The following CPOX variants were observed in gnomAD, a reference collection of about 807,000 sequenced individuals.
CPOX encodes coproporphyrinogen oxidase.
CPOX carries 24 observed loss-of-function variants against 48.9 expected under a neutral mutation model. The observed-to-expected ratio is 0.49, with a 90% CI of 0.36 to 0.69. The LOEUF (loss-of-function observed/expected upper bound fraction) is 0.69. Among genes scored for constraint, CPOX ranks in the 30% least tolerant of loss-of-function variants. The pLI, the probability that CPOX is intolerant of heterozygous loss-of-function variation, is 0.00. For synonymous variants in CPOX, 249 were observed against 234.6 expected, an observed-to-expected ratio of 1.06 and a Z score of -0.56; for missense variants, 549 against 597.3, an observed-to-expected ratio of 0.92 and a Z score of 0.84.
chr3:98,584,433 T>G (rs1360315398), intron 5 of CPOX, among the ~76,000 whole-genome samples: 3 of 152,256 alleles, frequency 2.0e-5, no homozygotes, highest in Non-Finnish European at 4.4e-5. Context: ...TTCTAAAAAT[T>G]TACTCTCATG....
At chr3:98,586,740 C>G (rs947394992) in intron 4 of CPOX, among the ~76,000 whole-genome samples, 3 of 152,018 alleles carry the variant, frequency 2.0e-5, no homozygotes, top group Admixed American at 1.3e-4. Context: ...GTCAGGAGAT[C>G]GAGACCATCC....
At chr3:98,585,898 A>C in intron 4 of CPOX, 1 of 431,136 alleles carries the variant, frequency 2.3e-6, no homozygotes, top group East Asian at 5.2e-5. Flanking sequence ...TTTGAGACGG[A>C]CTCTTGCTCT....
Position 98,593,155 on chromosome 3 carries a change from T to A in CPOX, c.350A>T (p.Glu117Val). 1.2e-6 allele frequency: 2 copies of A among 1,611,782 alleles called. No homozygotes were observed. The highest frequency in any genetic ancestry group is 1.1e-5 in the South Asian group (1 of 90,898). ...GTRATSLGRP[E>V]EEEDELAHRC... ...GTGGGCCAGCTCATCCTCCTCCTCCTCCGGCCTCCCCAGCGAAGTGGCCCG... is the reference window on the plus strand; with the variant it reads ...GTGGGCCAGCTCATCCTCCTCCTCCACCGGCCTCCCCAGCGAAGTGGCCCG... The change falls in exon 1 of 7, where the codon GAG (glutamate) becomes GTG (valine). Residue 117 changes from glutamate to valine, a missense_variant. By Grantham distance (121) the Glu-to-Val change is moderately radical. This residue lies in a region of CPOX where 336 missense variants were observed against 318.1 expected (regional missense o/e 1.06). Transcript: ENST00000647941.
chr3:98,578,451 A>C (rs2141494), downstream of CPOX, among the ~76,000 whole-genome samples: 51,691 of 152,034 alleles, frequency 0.34, 8,948 homozygotes, highest in African/African-American at 0.41. Flanking sequence ...TCCTAGTATT[A>C]GATTTATTGA....
At chr3:98,589,242 C>T (rs1013247951) in intron 3 of CPOX, among the ~76,000 whole-genome samples, 2 of 152,060 alleles carry the variant, frequency 1.3e-5, no homozygotes, top group African/African-American at 4.8e-5. Flanking sequence ...TCACTTGAAC[C>T]CAGGAGGTGG....
At chr3:98,582,881 T>A (rs1323664514) in intron 5 of CPOX, among the ~76,000 whole-genome samples, 1 of 152,210 alleles carries the variant, frequency 6.6e-6, no homozygotes, top group Non-Finnish European at 1.5e-5. Flanking sequence ...TATGCTCCCT[T>A]TCTAACTCTC....
downstream of CPOX, among the ~76,000 whole-genome samples, chr3:98,577,279 T>A (rs1707176984): frequency 6.6e-6 from 1 of 152,172 alleles, no homozygotes; most frequent in African/African-American, 2.4e-5. Context: ...TCAGACTGAC[T>A]TTAGAATTCT....
At chr3:98,588,997 G>T (rs1707422625) in intron 3 of CPOX, 143 bp from the exon 4 acceptor site, 2 of 974,920 alleles carry the variant, frequency 2.1e-6, no homozygotes, top group Non-Finnish European at 3.2e-6. Context: ...TTTTAGCTCT[G>T]AAGACCAGTA....
downstream of CPOX, among the ~76,000 whole-genome samples, chr3:98,575,363 TAACAG>T (rs1302604126): frequency 1.3e-5 from 2 of 152,246 alleles, no homozygotes; most frequent in East Asian, 3.8e-4. Flanking sequence ...ATGAAGGGAT[TAACAG>T]TAAAAGAATT....
intron 1 of CPOX, among the ~76,000 whole-genome samples, chr3:98,592,378 GAGA>G (rs1375867961): frequency 8.5e-5 from 13 of 152,168 alleles, no homozygotes; most frequent in Non-Finnish European, 1.6e-4. Flanking sequence ...GATATTGGAA[GAGA>G]AGATTTTCCT....
At chr3:98,578,221 CT>C, downstream of CPOX, 1 of 952,818 alleles carries the variant, frequency 1.0e-6, no homozygotes, top group Non-Finnish European at 1.2e-6. Context: ...TTATGCAATT[CT>C]TTTCAGACAT....
chr3:98,584,740 C>T (rs1272868115), intron 5 of CPOX, among the ~76,000 whole-genome samples: 3 of 152,170 alleles, frequency 2.0e-5, no homozygotes, highest in Non-Finnish European at 2.9e-5. Context: ...TGGCTGGAGA[C>T]AGCCTCAGAC....
intron 4 of CPOX, among the ~76,000 whole-genome samples, chr3:98,586,869 G>A (rs747591160): frequency 8.5e-5 from 13 of 152,150 alleles, no homozygotes; most frequent in African/African-American, 1.9e-4. Context: ...GCGTGAACCC[G>A]GAAGGCAGAG....
downstream of CPOX, among the ~76,000 whole-genome samples, chr3:98,578,564 A>G (rs1235658491): frequency 6.6e-6 from 1 of 152,222 alleles, no homozygotes; most frequent in South Asian, 2.1e-4. Context: ...TAAAACATTT[A>G]AATCACCTCA....
In CPOX at chr3:98,579,504, T is replaced by G; in HGVS notation, c.*1179A>C. 2 of 965,072 alleles carry G rather than the reference T, an allele frequency of 2.1e-6. No individual in the cohort carries two copies. Among genetic ancestry groups the G allele is most frequent in the Non-Finnish European group, 2.5e-6 (2 of 811,508 alleles). 59.8% of individuals were successfully genotyped at this position (965,072 alleles called of 1,614,324 possible). A position where few individuals can be genotyped will look rare whatever the true frequency, so the allele number is the denominator to read the frequency against. On this transcript the variant is annotated 3_prime_UTR_variant, in exon 7 of 7. Coordinates refer to ENST00000647941, the MANE Select transcript of CPOX (RefSeq NM_000097.7). ...ATCTCTTGTAAGACAGTTGAAGAAT[T>G]CATACATTTTCCAGCCCCAAAAAGG...
intron 3 of CPOX, chr3:98,589,514 AAC>A (rs113400986): frequency 2.6e-4 from 39 of 151,718 alleles, no homozygotes; most frequent in South Asian, 1.0e-3. Flanking sequence ...GATCACAATA[AAC>A]ACACACACAC....
At chr3:98,584,040 G>A (rs1165201361) in intron 5 of CPOX, among the ~76,000 whole-genome samples, 8 of 152,144 alleles carry the variant, frequency 5.3e-5, no homozygotes, top group Admixed American at 2.6e-4. Context: ...CTTTCAGAAT[G>A]ATCTGCCATC....
At chr3:98,578,703 T>C (rs1280742181), downstream of CPOX, among the ~76,000 whole-genome samples, 1 of 152,360 alleles carries the variant, frequency 6.6e-6, no homozygotes, top group Middle Eastern at 3.4e-3. Context: ...TAAGTACTTT[T>C]ATGTGTGGCT....
At chr3:98,582,784 C>A (rs1707283056) in intron 5 of CPOX, among the ~76,000 whole-genome samples, 1 of 152,188 alleles carries the variant, frequency 6.6e-6, no homozygotes, top group Admixed American at 6.5e-5. Flanking sequence ...AGCCACCACG[C>A]CCGGCCCACA....
Sources: gnomAD v4.1 joint callset for allele counts (sites outside exome capture counted in the v4.1 genomes callset) on GRCh38, gnomAD v4.1.1 for gene constraint, gnomAD v4.1.1 regional missense constraint, MANE v1.5 for transcripts, NCBI Gene and HGNC (gene_info 2026-07-23, HGNC 2026-07-21) for gene names.